Variants in WASF1 observed in about 807,000 individuals in gnomAD.
WASF1 encodes the protein actin-binding protein WASF1.
In WASF1, 7 loss-of-function variants were observed where a neutral mutation model predicts 50.5. The ratio of observed to expected loss-of-function variants is 0.14; its 90% CI spans 0.08 to 0.26. The LOEUF (loss-of-function observed/expected upper bound fraction) is 0.26. Ranked by LOEUF, WASF1 falls within the 10% of genes least tolerant of loss-of-function variation. The pLI is 1.00. For missense variants in WASF1, 470 were observed against 694.7 expected (o/e 0.68, Z 3.64); for synonymous variants, 205 against 244.0 (o/e 0.84, Z 1.49).
chr6:110,100,615 G>A lies in WASF1; in HGVS notation c.1587C>T (p.Asn529=), dbSNP rs141983934. 1.4e-4 allele frequency: 218 copies of A among 1,613,562 alleles called. 1 individual carries two copies. In the African/African-American group the frequency reaches 2.5e-3, roughly 18 times the overall value. The change falls in exon 11 of 11, where the codon AAC becomes AAT. Residue 529 remains asparagine (N), a synonymous_variant. Coordinates refer to ENST00000392589, the MANE Select transcript of WASF1 (RefSeq NM_003931.3). ...GGCGAGACAGGATGGTGGCAACATCGTTTTCAATGCGTTCATGCTTAGCTT... is the reference window on the plus strand; with the variant it reads ...GGCGAGACAGGATGGTGGCAACATCATTTTCAATGCGTTCATGCTTAGCTT... ...EQEAKHERIE[N]DVATILSRRI... is the part of the protein sequence containing the mutation.
At chr6:110,114,557 A>G (rs931734497) in intron 4 of WASF1, among the ~76,000 whole-genome samples, 2 of 152,198 alleles carry the variant, frequency 1.3e-5, no homozygotes, top group African/African-American at 4.8e-5. Flanking sequence ...GAAAGCATAC[A>G]TACAGACTCT....
chr6:110,119,536 A>G (rs918651786), intron 4 of WASF1, among the ~76,000 whole-genome samples: 2 of 152,204 alleles, frequency 1.3e-5, no homozygotes, highest in African/African-American at 4.8e-5. Flanking sequence ...TCTGAAATTG[A>G]GGCAATATTT....
intron 4 of WASF1, among the ~76,000 whole-genome samples, chr6:110,117,588 G>C (rs181428688): frequency 6.6e-6 from 1 of 152,056 alleles, no homozygotes; most frequent in Non-Finnish European, 1.5e-5. Flanking sequence ...GAAAACATTC[G>C]TCAGGATATT....
At chr6:110,169,931 G>A (rs532080920) in intron 2 of WASF1, among the ~76,000 whole-genome samples, 24 of 151,254 alleles carry the variant, frequency 1.6e-4, no homozygotes, top group African/African-American at 5.8e-4. Context: ...CATCAACCAC[G>A]ATAAATACCA....
At chr6:110,141,994 C>T (rs1775263137) in intron 3 of WASF1, among the ~76,000 whole-genome samples, 2 of 152,194 alleles carry the variant, frequency 1.3e-5, no homozygotes, top group East Asian at 1.9e-4. Context: ...TCTCGAACTC[C>T]CGACCTCGTG....
chr6:110,105,331 C>T, intron 8 of WASF1, 76 bp downstream of exon 8: 1 of 1,420,630 alleles, frequency 7.0e-7, no homozygotes, highest in Non-Finnish European at 9.4e-7. Flanking sequence ...GTTTAGGACT[C>T]AAGACTTAGA....
chr6:110,105,548 T>C lies in WASF1; in HGVS notation c.572A>G (p.Glu191Gly), dbSNP rs1365473360. 1.2e-6 allele frequency: 2 copies of C among 1,613,800 alleles called. No homozygotes were observed. Among genetic ancestry groups the C allele is most frequent in the Non-Finnish European group, 1.7e-6 (2 of 1,179,902 alleles). The change falls in exon 8 of 11, where the codon GAA becomes GGA. Residue 191 changes from glutamate to glycine, a missense_variant. Glu to Gly is a moderately conservative substitution (Grantham distance 98). This residue lies in a region of WASF1 where 140 missense variants were observed against 260.5 expected (regional missense o/e 0.54). Transcript: ENST00000392589. ...GTCATGAGGTGCTCTTGGCACTTTTTCTGGTTCATGAGGACGATCTAGATT... is the reference window on the plus strand; with the variant it reads ...GTCATGAGGTGCTCTTGGCACTTTTCCTGGTTCATGAGGACGATCTAGATT... ...QKNLDRPHEPEKVPRAPHDRR... is the reference protein window; with the variant it reads ...QKNLDRPHEPGKVPRAPHDRR...
At chr6:110,116,270 T>C (rs1773800871) in intron 4 of WASF1, among the ~76,000 whole-genome samples, 1 of 152,166 alleles carries the variant, frequency 6.6e-6, no homozygotes, top group Non-Finnish European at 1.5e-5. Flanking sequence ...GGATTTCCCT[T>C]TCCTAGCCAA....
chr6:110,116,157 T>C (rs1463007731), intron 4 of WASF1, among the ~76,000 whole-genome samples: 2 of 152,134 alleles, frequency 1.3e-5, no homozygotes, highest in East Asian at 3.9e-4. Context: ...CTGAGGTACC[T>C]GGTTCATCTC....
chr6:110,162,543 G>A (rs1156921372), intron 2 of WASF1, among the ~76,000 whole-genome samples: 1 of 150,892 alleles, frequency 6.6e-6, no homozygotes, highest in Non-Finnish European at 1.5e-5. Flanking sequence ...CCAACAATGT[G>A]TAAAAATAAT....
intron 3 of WASF1, among the ~76,000 whole-genome samples, chr6:110,147,003 A>C (rs1775594690): frequency 6.6e-6 from 1 of 152,176 alleles, no homozygotes; most frequent in Admixed American, 6.5e-5. Context: ...GTTTAAAAAA[A>C]ACTGCCCTAA....
chr6:110,115,440 G>C (rs1773760321), intron 4 of WASF1, among the ~76,000 whole-genome samples: 1 of 151,954 alleles, frequency 6.6e-6, no homozygotes. Context: ...TCCTTTTTCT[G>C]GATTGGTCCC....
Position 110,127,415 on chromosome 6 carries a change from G to A in WASF1, c.133+54C>T, listed in dbSNP as rs143294653. ...AATCAGAAGCACAACTTCTTAATACGCTAAAGCATAACATTCTGGTTTGTG... is the reference window on the plus strand; with the variant it reads ...AATCAGAAGCACAACTTCTTAATACACTAAAGCATAACATTCTGGTTTGTG... On this transcript the variant is annotated intron_variant, in intron 4 of 10. Coordinates refer to ENST00000392589, the MANE Select transcript of WASF1 (RefSeq NM_003931.3). The A allele has an allele frequency of 4.1e-5, 59 of 1,448,678 alleles. No homozygotes were observed. The East Asian group carries it at 9.2e-4, about 23-fold the overall frequency. 89.7% of individuals were successfully genotyped at this position (1,448,678 alleles called of 1,614,324 possible).
chr6:110,102,300 A>T lies in WASF1; in HGVS notation c.894-84T>A, dbSNP rs576201592. 1.2e-5 allele frequency: 15 copies of T among 1,276,846 alleles called. No homozygotes were observed. In the African/African-American group the frequency reaches 2.1e-4, roughly 18 times the overall value. The allele number at this position is 1,276,846 out of a possible 1,614,324, so 79.1% of individuals were successfully genotyped here. On this transcript the variant is annotated intron_variant, in intron 9 of 10. Transcript: ENST00000392589. ...CTAACCACACAAACTATAAATGACTATCAGTAATTATATCAAAATGGATCC... is the reference window on the plus strand; with the variant it reads ...CTAACCACACAAACTATAAATGACTTTCAGTAATTATATCAAAATGGATCC...
At chr6:110,118,458 T>A (rs905358157) in intron 4 of WASF1, among the ~76,000 whole-genome samples, 4 of 138,548 alleles carry the variant, frequency 2.9e-5, no homozygotes, top group Non-Finnish European at 4.6e-5. Context: ...AGCTACTACA[T>A]AATGGTAAAG....
chr6:110,165,380 G>A (rs1776432056), intron 2 of WASF1, among the ~76,000 whole-genome samples: 1 of 151,606 alleles, frequency 6.6e-6, no homozygotes, highest in African/African-American at 2.4e-5. Flanking sequence ...GTTGGAAGAT[G>A]TGAATGTACT....
chr6:110,108,470 G>C, intron 6 of WASF1, 58 bp downstream of exon 6: 1 of 1,497,174 alleles, frequency 6.7e-7, no homozygotes, highest in Non-Finnish European at 9.1e-7. Context: ...TGGGGATTTA[G>C]CATTTCAATC....
At chr6:110,105,635 G>A (rs578010263) in intron 7 of WASF1, 56 bp from the exon 8 acceptor site, 11 of 1,548,540 alleles carry the variant, frequency 7.1e-6, no homozygotes, top group Non-Finnish European at 9.7e-6. Flanking sequence ...TTTTAAAAAG[G>A]AGGTTATAAC....
rs184220414 is a variant in WASF1 at position 110,173,581 on chromosome 6, C to T, written c.-127+5017G>A. ...TGCTGGTTGACAAGTACCACAAATACAATTCTAACAGTTTACGCAAAAAGG... is the reference window on the plus strand; with the variant it reads ...TGCTGGTTGACAAGTACCACAAATATAATTCTAACAGTTTACGCAAAAAGG... On this transcript the variant is annotated intron_variant, in intron 2 of 10. Coordinates refer to ENST00000392589, the MANE Select transcript of WASF1 (RefSeq NM_003931.3). Among the ~76,000 whole-genome samples the T allele has an allele frequency of 1.3e-3, 194 of 152,274 alleles. 1 individual carries two copies. The highest frequency in any genetic ancestry group is 4.6e-3 in the African/African-American group (191 of 41,572).
Sources: gnomAD v4.1 joint callset for allele counts (sites outside exome capture counted in the v4.1 genomes callset) on GRCh38, gnomAD v4.1.1 for gene constraint, gnomAD v4.1.1 regional missense constraint, MANE v1.5 for transcripts, NCBI Gene and HGNC (gene_info 2026-07-23, HGNC 2026-07-21) for gene names.